The following ADCY2 variants were observed in gnomAD, a reference collection of about 807,000 sequenced individuals.
The protein encoded by ADCY2 is adenylate cyclase type 2.
ADCY2 carries 31 observed loss-of-function variants against 125.2 expected under a neutral mutation model. That is an observed-to-expected ratio of 0.25 (90% CI 0.19 to 0.33). The LOEUF (loss-of-function observed/expected upper bound fraction) is 0.33, where lower values mean the gene tolerates loss of function less well. Among genes scored for constraint, ADCY2 ranks in the 10% least tolerant of loss-of-function variants. The pLI is 1.00. For missense variants in ADCY2, 904 were observed against 1,418.2 expected (o/e 0.64, Z 5.82); for synonymous variants, 512 against 548.4 (o/e 0.93, Z 0.93).
At chr5:7,634,338 A>C (rs1434381905) in intron 4 of ADCY2, among the ~76,000 whole-genome samples, 1 of 152,178 alleles carries the variant, frequency 6.6e-6, no homozygotes, top group African/African-American at 2.4e-5. Context: ...TAAATTGCAT[A>C]TGTGTTTTCA....
chr5:7,783,436 C>A (rs1274105018), intron 18 of ADCY2, among the ~76,000 whole-genome samples: 3 of 151,806 alleles, frequency 2.0e-5, no homozygotes, highest in African/African-American at 7.3e-5. Context: ...GGATTCAAAC[C>A]CAGGCTCTCT....
At chr5:7,668,565 T>C (rs1739832541) in intron 4 of ADCY2, among the ~76,000 whole-genome samples, 1 of 152,198 alleles carries the variant, frequency 6.6e-6, no homozygotes, top group Admixed American at 6.5e-5. Flanking sequence ...TTAAAAACAA[T>C]AAGCACACAT....
chr5:7,650,335 A>G (rs744707), intron 4 of ADCY2, among the ~76,000 whole-genome samples: 93,988 of 151,816 alleles, frequency 0.62, 29,528 homozygotes, highest in Non-Finnish European at 0.65. Context: ...CTAGAATGAT[A>G]GCCACCACTA....
chr5:7,485,545 G>A (rs747783787), intron 2 of ADCY2, among the ~76,000 whole-genome samples: 20 of 152,090 alleles, frequency 1.3e-4, no homozygotes, highest in Non-Finnish European at 2.8e-4. Flanking sequence ...ATGGAGTGAA[G>A]GTTGCTACAA....
At chr5:7,731,946 T>C (rs1360764079) in intron 14 of ADCY2, among the ~76,000 whole-genome samples, 2 of 152,216 alleles carry the variant, frequency 1.3e-5, no homozygotes, top group African/African-American at 4.8e-5. Context: ...TTGATAAATA[T>C]GTGATTCTGC....
At chr5:7,694,656 T>G (rs1740830175) in intron 5 of ADCY2, among the ~76,000 whole-genome samples, 1 of 152,234 alleles carries the variant, frequency 6.6e-6, no homozygotes, top group African/African-American at 2.4e-5. Flanking sequence ...ATAGACCACA[T>G]TTTGTTTATT....
intron 3 of ADCY2, among the ~76,000 whole-genome samples, chr5:7,573,853 G>A (rs34930574): frequency 0.14 from 19,739 of 141,448 alleles, 1,890 homozygotes; most frequent in Non-Finnish European, 0.21. Flanking sequence ...CTGGTGCACT[G>A]CACCCACTAA....
intron 4 of ADCY2, among the ~76,000 whole-genome samples, chr5:7,626,987 A>T (rs546527837): frequency 1.3e-5 from 2 of 152,316 alleles, no homozygotes; most frequent in Admixed American, 1.3e-4. Flanking sequence ...CATCATCAAC[A>T]AGTGGCTGGG....
At chr5:7,473,446 C>T (rs1246000989) in intron 2 of ADCY2, among the ~76,000 whole-genome samples, 1 of 152,068 alleles carries the variant, frequency 6.6e-6, no homozygotes, top group Admixed American at 6.5e-5. Flanking sequence ...CTCATTATCT[C>T]AAGGACTGCA....
intron 3 of ADCY2, among the ~76,000 whole-genome samples, chr5:7,574,989 G>A (rs971085919): frequency 6.6e-6 from 1 of 152,070 alleles, no homozygotes; most frequent in African/African-American, 2.4e-5. Flanking sequence ...GAAGAAAACA[G>A]GTTTTAAAAT....
intron 19 of ADCY2, among the ~76,000 whole-genome samples, chr5:7,785,476 A>G (rs1178775178): frequency 8.7e-6 from 1 of 115,230 alleles, no homozygotes; most frequent in South Asian, 2.7e-4. Flanking sequence ...CCTTCTTCCC[A>G]CCCCACCACC....
intron 2 of ADCY2, among the ~76,000 whole-genome samples, chr5:7,422,182 T>C (rs1486449170): frequency 6.6e-6 from 1 of 152,146 alleles, no homozygotes; most frequent in African/African-American, 2.4e-5. Flanking sequence ...TTAAGTGATG[T>C]TTTATTTGAT....
chr5:7,626,142 TG>T (rs1483793160), intron 3 of ADCY2, 24 bp from the exon 4 acceptor site: 1 of 1,604,720 alleles, frequency 6.2e-7, no homozygotes, highest in Non-Finnish European at 8.5e-7. Context: ...GTTACCCTAT[TG>T]AGCAGCTCTT....
rs189444199 is a variant in ADCY2 at position 7,459,465 on chromosome 5, C to T, written c.408+44695C>T. Among the ~76,000 whole-genome samples, 172 of 152,272 alleles carry T rather than the reference C, an allele frequency of 1.1e-3. 2 individuals are homozygous for T. The highest frequency in any genetic ancestry group is 0.011 in the South Asian group (52 of 4,824). ...GATGGTTAACATCAAACCCACAGCT[C>T]ACGTTTCGAAGACAGTTTTGAGATT... On this transcript the variant is annotated intron_variant, in intron 2 of 24. Transcript: ENST00000338316.
intron 12 of ADCY2, among the ~76,000 whole-genome samples, chr5:7,723,415 A>G (rs1015936252): frequency 2.6e-5 from 4 of 152,192 alleles, no homozygotes; most frequent in Admixed American, 2.6e-4. Flanking sequence ...TGTTCAAGCT[A>G]ATCATGGTGT....
intron 4 of ADCY2, among the ~76,000 whole-genome samples, chr5:7,680,341 C>T (rs1271874591): frequency 2.0e-5 from 3 of 152,136 alleles, no homozygotes; most frequent in Non-Finnish European, 4.4e-5. Flanking sequence ...AGAGCCATGT[C>T]GCTCAAAATG....
intron 17 of ADCY2, among the ~76,000 whole-genome samples, chr5:7,769,808 C>G (rs965329425): frequency 6.6e-6 from 1 of 152,152 alleles, no homozygotes; most frequent in African/African-American, 2.4e-5. Flanking sequence ...TAAATTACTC[C>G]CGATAATGGT....
At chr5:7,572,371 T>C (rs896311498) in intron 3 of ADCY2, among the ~76,000 whole-genome samples, 1 of 152,178 alleles carries the variant, frequency 6.6e-6, no homozygotes, top group African/African-American at 2.4e-5. Flanking sequence ...GATTTTTCAT[T>C]GTGGTTTTCA....
intron 9 of ADCY2, among the ~76,000 whole-genome samples, chr5:7,708,351 G>A (rs184697615): frequency 7.5e-4 from 114 of 152,218 alleles, no homozygotes; most frequent in Non-Finnish European, 1.3e-3. Flanking sequence ...TTTACCTTCC[G>A]TAACATAAGA....
Sources: gnomAD v4.1 joint callset for allele counts (sites outside exome capture counted in the v4.1 genomes callset) on GRCh38, gnomAD v4.1.1 for gene constraint, MANE v1.5 for transcripts, NCBI Gene and HGNC (gene_info 2026-07-23, HGNC 2026-07-21) for gene names.